RBFOX1: variants seen among roughly 807,000 people sequenced by gnomAD.
RBFOX1 encodes RNA binding protein fox-1 homolog 1.
In RBFOX1, 8 loss-of-function variants were observed where a neutral mutation model predicts 57.7. That is an observed-to-expected ratio of 0.14 (90% confidence interval 0.08 to 0.25). The LOEUF is 0.25. RBFOX1 is among the 10% of genes least tolerant of loss of function. RBFOX1 has a pLI of 1.00. For synonymous variants in RBFOX1, 326 were observed against 222.4 expected (o/e 1.47, Z -4.15); for missense variants, 611 against 548.5 (o/e 1.11, Z -1.14).
At chr16:7,198,001 T>TCTTTC (rs1555558030) in intron 4 of RBFOX1, among the ~76,000 whole-genome samples, 27 of 105,042 alleles carry the variant, frequency 2.6e-4, no homozygotes, top group African/African-American at 4.9e-4. Flanking sequence ...TTTCTTTCTT[T>TCTTTC]TTTTTTTTTT....
At chr16:7,155,897 C>G (rs922093105) in intron 4 of RBFOX1, among the ~76,000 whole-genome samples, 1 of 151,448 alleles carries the variant, frequency 6.6e-6, no homozygotes, top group Non-Finnish European at 1.5e-5. Flanking sequence ...TTTTATGTCT[C>G]TATAACTGGA....
intron 1 of RBFOX1, among the ~76,000 whole-genome samples, chr16:6,269,106 C>G (rs1399670284): frequency 6.6e-5 from 10 of 152,158 alleles, no homozygotes; most frequent in Admixed American, 6.5e-4. Context: ...TAAGCTATGT[C>G]AGCAAGAGGG....
chr16:6,852,407 C>T (rs186980715), intron 3 of RBFOX1, among the ~76,000 whole-genome samples: 1 of 152,166 alleles, frequency 6.6e-6, no homozygotes, highest in South Asian at 2.1e-4. Flanking sequence ...GAAACTATTT[C>T]CTTACAAAGT....
chr16:5,587,906 G>A (rs1299750611), intron 2 of RBFOX1, among the ~76,000 whole-genome samples: 1 of 152,116 alleles, frequency 6.6e-6, no homozygotes, highest in Non-Finnish European at 1.5e-5. Flanking sequence ...TAACGTGTGC[G>A]GGAATGCTCA....
intron 2 of RBFOX1, among the ~76,000 whole-genome samples, chr16:6,639,998 A>G (rs1270992763): frequency 1.3e-5 from 2 of 152,226 alleles, no homozygotes; most frequent in South Asian, 2.1e-4. Context: ...ACTAACACCC[A>G]TATGATGATA....
At chr16:5,515,308 T>G (rs1437923070) in intron 2 of RBFOX1, among the ~76,000 whole-genome samples, 2 of 152,252 alleles carry the variant, frequency 1.3e-5, no homozygotes, top group Non-Finnish European at 2.9e-5. Context: ...TGTCAGCACT[T>G]TGGGGAGGCC....
chr16:5,583,550 G>C (rs183029931), intron 2 of RBFOX1, among the ~76,000 whole-genome samples: 1 of 152,292 alleles, frequency 6.6e-6, no homozygotes, highest in East Asian at 1.9e-4. Context: ...CTCTGAATCT[G>C]CTGTGATTCT....
chr16:5,599,383 G>A, exon 3 of RBFOX1: 1 of 592,604 alleles, frequency 1.7e-6, no homozygotes, highest in Non-Finnish European at 3.0e-6. Flanking sequence ...CTGGGGTCCT[G>A]CATCATGGCA....
intron 1 of RBFOX1, among the ~76,000 whole-genome samples, chr16:6,130,510 C>T (rs2096622131): frequency 6.6e-6 from 1 of 151,974 alleles, no homozygotes; most frequent in Non-Finnish European, 1.5e-5. Context: ...AAGGCAAAAG[C>T]TTGAAAGACA....
intron 3 of RBFOX1, among the ~76,000 whole-genome samples, chr16:5,760,964 T>G (rs1425448490): frequency 6.6e-6 from 1 of 152,184 alleles, no homozygotes; most frequent in Non-Finnish European, 1.5e-5. Context: ...ATTATTCACT[T>G]TAAAATGGGT....
At chr16:7,084,805 C>T (rs1467996938) in intron 4 of RBFOX1, among the ~76,000 whole-genome samples, 9 of 151,922 alleles carry the variant, frequency 5.9e-5, no homozygotes, top group South Asian at 2.1e-4. Flanking sequence ...ATATTCCCCC[C>T]TCTCTCATGT....
intron 4 of RBFOX1, among the ~76,000 whole-genome samples, chr16:7,062,792 G>C (rs897221123): frequency 1.3e-5 from 2 of 151,728 alleles, no homozygotes; most frequent in African/African-American, 4.8e-5. Context: ...ACGGTTCCCA[G>C]GGCTAGACCT....
At chr16:7,503,640 G>C (rs755183886) in intron 4 of RBFOX1, among the ~76,000 whole-genome samples, 1 of 152,176 alleles carries the variant, frequency 6.6e-6, no homozygotes, top group Non-Finnish European at 1.5e-5. Flanking sequence ...AAAGTGGGCT[G>C]GTGAAAGGAG....
chr16:5,790,927 G>T (rs1451211937), intron 3 of RBFOX1, among the ~76,000 whole-genome samples: 3 of 149,378 alleles, frequency 2.0e-5, no homozygotes, highest in African/African-American at 7.4e-5. Flanking sequence ...GGAGTGCAGT[G>T]GTGTGATTTC....
At chr16:5,351,054 C>G (rs775716427) in intron 1 of RBFOX1, among the ~76,000 whole-genome samples, 4 of 152,130 alleles carry the variant, frequency 2.6e-5, no homozygotes, top group Non-Finnish European at 5.9e-5. Flanking sequence ...AAGCCGTGAA[C>G]CAGGTATTGC....
At chr16:5,463,535 C>A (rs986507720) in intron 1 of RBFOX1, among the ~76,000 whole-genome samples, 2 of 152,060 alleles carry the variant, frequency 1.3e-5, no homozygotes, top group Admixed American at 6.5e-5. Flanking sequence ...CGTGGTGGGT[C>A]GTGTCTGTAA....
chr16:6,137,216 A>G (rs550940181), intron 1 of RBFOX1, among the ~76,000 whole-genome samples: 2 of 152,336 alleles, frequency 1.3e-5, no homozygotes, highest in African/African-American at 4.8e-5. Context: ...TGGTAAGTTG[A>G]TAAAGATATC....
At chr16:5,972,882 G>C (rs1037258427) in intron 4 of RBFOX1, among the ~76,000 whole-genome samples, 2 of 152,224 alleles carry the variant, frequency 1.3e-5, no homozygotes, top group Admixed American at 1.3e-4. Flanking sequence ...TTGAATGCTT[G>C]AGGAGTTTTC....
chr16:6,569,315 G>C (rs1567716886), intron 2 of RBFOX1, among the ~76,000 whole-genome samples: 1 of 152,170 alleles, frequency 6.6e-6, no homozygotes, highest in Non-Finnish European at 1.5e-5. Flanking sequence ...CATTGCTGTA[G>C]AATAGGATCC....
Sources: gnomAD v4.1 joint callset for allele counts (sites outside exome capture counted in the v4.1 genomes callset) on GRCh38, gnomAD v4.1.1 for gene constraint, MANE v1.5 for transcripts, NCBI Gene and HGNC (gene_info 2026-07-23, HGNC 2026-07-21) for gene names.